Variants in PMP2 observed in about 807,000 individuals in gnomAD.
The protein encoded by PMP2 is peripheral myelin protein 2.
Under a neutral mutation model 15.9 loss-of-function variants are expected in PMP2, and 11 were observed. The observed-to-expected ratio is 0.69, with a 90% CI of 0.44 to 1.14. The LOEUF (loss-of-function observed/expected upper bound fraction) is 1.14. PMP2 is among the 50% of genes most tolerant of loss of function. The pLI is 0.00. For missense variants in PMP2, 151 were observed against 154.0 expected (o/e 0.98, Z 0.10); for synonymous variants, 55 against 54.1 (o/e 1.02, Z -0.07).
Position 81,444,988 on chromosome 8 carries a change from A to G in PMP2, c.75T>C (p.Gly25=), listed in dbSNP as rs1211306480. 6.2e-7 allele frequency: 1 copy of G among 1,611,588 alleles called. No homozygotes were observed. Among genetic ancestry groups the G allele is most frequent in the Non-Finnish European group, 8.5e-7 (1 of 1,179,276 alleles). Residue 25 remains glycine (G), a splice_region_variant and synonymous_variant, in exon 2 of 4, where the codon GGT becomes GGC. Coordinates refer to ENST00000256103, the MANE Select transcript of PMP2 (RefSeq NM_002677.5). ...ENFDDYMKAL[G]VGLATRKLGN... is the part of the protein sequence containing the mutation. ...CCAGTTTTCTGGTGGCTAACCCCAC[A>G]CCTGAAAATTAAGATAGTGTTAGAA...
At chr8:81,444,464 C>G (rs1372191539) in intron 3 of PMP2, 36 bp downstream of exon 3, 3 of 1,219,094 alleles carry the variant, frequency 2.5e-6, no homozygotes, top group East Asian at 4.7e-5. Flanking sequence ...ATTTATATAG[C>G]ATTATTTCTC....
At position 81,447,303 on chromosome 8, in the gene PMP2, G is replaced by A. The variant is rs755977269; in HGVS notation, c.73+11C>T. 9.3e-6 allele frequency: 15 copies of A among 1,604,512 alleles called. No homozygotes were observed. Among genetic ancestry groups the A allele is most frequent in the South Asian group, 8.8e-5 (8 of 90,882 alleles). ...GAGCTTTTCAGCAGAACAACAAAAA[G>A]CATTTCTTACCCAGAGCTTTCATGT... On this transcript the variant is annotated intron_variant, in intron 1 of 3. Transcript: ENST00000256103.
intron 2 of PMP2, 43 bp downstream of exon 2, chr8:81,444,774 G>T: frequency 6.4e-7 from 1 of 1,566,578 alleles, no homozygotes; most frequent in Non-Finnish European, 8.8e-7. Context: ...TCTCTCTCAA[G>T]CAGCCCACTG....
rs373354082 is a variant in PMP2, at chr8:81,447,423, A to T, written c.-37T>A. ...AGAGCTCAACACAGTTCTAAGTGGG[A>T]TTCAGAAGACTCAGATAAAATGCTG... is the stretch of plus-strand genomic sequence containing the variant. On this transcript the variant is annotated 5_prime_UTR_variant, in exon 1 of 4. Transcript: ENST00000256103. 2.6e-6 allele frequency: 4 copies of T among 1,534,002 alleles called. No individual in the cohort carries two copies. In the African/African-American group the frequency reaches 5.5e-5, roughly 21 times the overall value.
Position 81,443,410 on chromosome 8 carries a change from A to G in PMP2, c.387T>C (p.Tyr129=), listed in dbSNP as rs1807390344. Residue 129 remains tyrosine (Y), a synonymous_variant, in exon 4 of 4, where the codon TAT becomes TAC. Transcript: ENST00000256103. ...AAGAAATGATTTTTCAGACCTTCTC[A>G]TAGATTCTGGTGCACACCACGCCCT... ...KMKGVVCTRI[Y]EKV is the part of the protein sequence containing the mutation. 2 of 1,600,448 alleles carry G rather than the reference A, an allele frequency of 1.2e-6. No homozygotes were observed. The highest frequency in any genetic ancestry group is 1.1e-5 in the South Asian group (1 of 88,368).
rs764162586 is a variant in PMP2 at position 81,447,311 on chromosome 8, T to C, written c.73+3A>G. 1.9e-5 allele frequency: 30 copies of C among 1,610,618 alleles called. No homozygotes were observed. Among genetic ancestry groups the C allele is most frequent in the Admixed American group, 3.3e-5 (2 of 60,000 alleles). ...CAGCAGAACAACAAAAAGCATTTCT[T>C]ACCCAGAGCTTTCATGTAATCGTCA... On this transcript the variant is annotated splice_donor_region_variant and intron_variant, in intron 1 of 3. Transcript: ENST00000256103.
rs1406267874 is a variant in PMP2 at position 81,443,198 on chromosome 8, GTAA to G, written c.*197_*199del. 2 of 437,824 alleles carry G rather than the reference GTAA, an allele frequency of 4.6e-6. No individual in the cohort carries two copies. The highest frequency in any genetic ancestry group is 8.0e-6 in the Non-Finnish European group (2 of 249,296). The allele number at this position is 437,824 out of a possible 1,614,324, so 27.1% of individuals were successfully genotyped here. ...GTCTGGCCAATATATATGCTTTGATGTAATAATGACATGCATGCACATTGAAAA... is the reference window on the plus strand; with the variant it reads ...GTCTGGCCAATATATATGCTTTGATGTAATGACATGCATGCACATTGAAAA... On this transcript the variant is annotated 3_prime_UTR_variant, in exon 4 of 4. Coordinates refer to ENST00000256103, the MANE Select transcript of PMP2 (RefSeq NM_002677.5).
rs984440981 is a variant in PMP2 at position 81,446,542 on chromosome 8, A to G, written c.73+772T>C. On this transcript the variant is annotated intron_variant, in intron 1 of 3. Coordinates refer to ENST00000256103, the MANE Select transcript of PMP2 (RefSeq NM_002677.5). ...ACAGCAAACTCGGGTCACTGGCATC[A>G]CTCTTTATTGTATTTATATAGTTCT... Among the ~76,000 whole-genome samples the G allele has an allele frequency of 7.9e-5, 12 of 152,084 alleles. No homozygotes were observed. The South Asian group carries it at 1.7e-3, about 21-fold the overall frequency.
intron 3 of PMP2, 97 bp from the exon 4 acceptor site, chr8:81,443,545 T>G (rs1807394346): frequency 1.4e-6 from 1 of 722,522 alleles, no homozygotes; most frequent in African/African-American, 1.8e-5. Context: ...CTCATAAGAT[T>G]AATTTAGAAA....
rs761097265 is a variant in PMP2 at position 81,444,903 on chromosome 8, T to C, written c.160A>G (p.Thr54Ala). The C allele has an allele frequency of 2.5e-6, 4 of 1,613,832 alleles. No homozygotes were observed. Among genetic ancestry groups the C allele is most frequent in the Non-Finnish European group, 3.4e-6 (4 of 1,179,698 alleles). The stretch of plus-strand genomic sequence containing the variant: ...TCTGTATTTTTAAAGGTACTTTCAG[T>C]TCGTATAGTTATAATATCTCCTTTC... ...SKKGDIITIR[T>A]ESTFKNTEIS... Residue 54 changes from threonine (T) to alanine (A), a missense_variant, in exon 2 of 4, where the codon ACT becomes GCT. Coordinates refer to ENST00000256103, the MANE Select transcript of PMP2 (RefSeq NM_002677.5).
chr8:81,446,283 T>C (rs1478334801), intron 1 of PMP2, among the ~76,000 whole-genome samples: 1 of 152,210 alleles, frequency 6.6e-6, no homozygotes, highest in Admixed American at 6.5e-5. Flanking sequence ...CATGCTAAAC[T>C]GGAAAACAGT....
At chr8:81,447,011 T>C (rs1461980727) in intron 1 of PMP2, among the ~76,000 whole-genome samples, 1 of 152,248 alleles carries the variant, frequency 6.6e-6, no homozygotes, top group Non-Finnish European at 1.5e-5. Context: ...TTGACCATGC[T>C]TTTAAGCTTT....
rs777442516 is a variant in PMP2 at position 81,444,881 on chromosome 8, G to A, written c.182C>T (p.Thr61Ile). Reference protein sequence around the residue: ...TIRTESTFKNTEISFKLGQEF... With the variant: ...TIRTESTFKNIEISFKLGQEF... ...CTGGCCTAGCTTGAAGGAGATTTCT[G>A]TATTTTTAAAGGTACTTTCAGTTCG... The change falls in exon 2 of 4, where the codon ACA becomes ATA. Residue 61 changes from threonine to isoleucine, a missense_variant. Physicochemically the swap from Thr to Ile is moderately conservative, Grantham distance 89. Coordinates refer to ENST00000256103, the MANE Select transcript of PMP2 (RefSeq NM_002677.5). 14 of 1,613,462 alleles carry A rather than the reference G, an allele frequency of 8.7e-6. No individual in the cohort carries two copies. In the South Asian group the frequency reaches 1.4e-4, roughly 16 times the overall value.
chr8:81,444,717 T>C (rs1263343265), intron 2 of PMP2, 100 bp downstream of exon 2: 2 of 1,366,792 alleles, frequency 1.5e-6, no homozygotes, highest in African/African-American at 2.9e-5. Flanking sequence ...GGTACACTCC[T>C]TTTCAACAGA....
Position 81,444,597 on chromosome 8 carries a change from A to G in PMP2, c.251T>C (p.Ile84Thr). Reference sequence around the variant, plus strand: ...CAGTGATCCTCTCTGCAGGGTTACGATGCTCTGCAAAGACAAGGTCATGCA... The same window carrying G: ...CAGTGATCCTCTCTGCAGGGTTACGGTGCTCTGCAAAGACAAGGTCATGCA... ...TTADNRKTKS[I>T]VTLQRGSLNQ... The change falls in exon 3 of 4, where the codon ATC becomes ACC. Residue 84 changes from isoleucine to threonine, a missense_variant. Coordinates refer to ENST00000256103, the MANE Select transcript of PMP2 (RefSeq NM_002677.5). 6.2e-7 allele frequency: 1 copy of G among 1,610,426 alleles called. No homozygotes were observed. Among genetic ancestry groups the G allele is most frequent in the Non-Finnish European group, 8.5e-7 (1 of 1,177,980 alleles).
In PMP2 at chr8:81,441,557, T is replaced by A. The variant is rs1250403529; in HGVS notation, c.*1841A>T. On this transcript the variant is annotated 3_prime_UTR_variant, in exon 4 of 4. Transcript: ENST00000256103. ...ATCTATCTATCTATCTATCTATCTATCTATCTATATATCTATCTATCATCT... is the reference window on the plus strand; with the variant it reads ...ATCTATCTATCTATCTATCTATCTAACTATCTATATATCTATCTATCATCT... The A allele has an allele frequency of 1.6e-4, 24 of 149,746 alleles. No homozygotes were observed. The highest frequency in any genetic ancestry group is 1.6e-3 in the Admixed American group (24 of 15,178). 9.3% of individuals were successfully genotyped at this position (149,746 alleles called of 1,614,324 possible).
rs1807422726 is a variant in PMP2 at position 81,444,971 on chromosome 8, C to T, written c.92G>A (p.Arg31Lys). 6.2e-7 allele frequency: 1 copy of T among 1,613,466 alleles called. No individual in the cohort carries two copies. Among genetic ancestry groups the T allele is most frequent in the Non-Finnish European group, 8.5e-7 (1 of 1,179,844 alleles). Residue 31 changes from arginine (R) to lysine (K), a missense_variant, in exon 2 of 4, where the codon AGA (arginine) becomes AAA (lysine). Transcript: ENST00000256103. ...GGGTTTGGCCAAATTTCCCAGTTTTCTGGTGGCTAACCCCACACCTGAAAA... is the reference window on the plus strand; with the variant it reads ...GGGTTTGGCCAAATTTCCCAGTTTTTTGGTGGCTAACCCCACACCTGAAAA... ...MKALGVGLAT[R>K]KLGNLAKPTV... is the part of the protein sequence containing the mutation.
rs1807307838 is a variant in PMP2 at position 81,440,545 on chromosome 8, G to A, written c.*2853C>T. On this transcript the variant is annotated 3_prime_UTR_variant, in exon 4 of 4. Transcript: ENST00000256103. ...AAAAGAGAAGAAGTTGCCAAGTGCG[G>A]GGTTTTTTTTCAATCATGTTTGGAA... The A allele has an allele frequency of 6.6e-6, 1 of 152,064 alleles. No homozygotes were observed. The highest frequency in any genetic ancestry group is 2.4e-5 in the African/African-American group (1 of 41,388). 9.4% of individuals were successfully genotyped at this position (152,064 alleles called of 1,614,324 possible).
intron 1 of PMP2, among the ~76,000 whole-genome samples, chr8:81,446,261 G>C (rs1248286386): frequency 2.6e-5 from 4 of 152,068 alleles, no homozygotes; most frequent in African/African-American, 7.2e-5. Context: ...CAAATCCCAA[G>C]GTGTTATTTT....
Sources: gnomAD v4.1 joint callset for allele counts (sites outside exome capture counted in the v4.1 genomes callset) on GRCh38, gnomAD v4.1.1 for gene constraint, MANE v1.5 for transcripts, NCBI Gene and HGNC (gene_info 2026-07-23, HGNC 2026-07-21) for gene names.